The following CELF4 variants were observed in gnomAD, a reference collection of about 807,000 sequenced individuals.
CELF4 encodes CUG-BP- and ETR-3-like factor 4.
In CELF4, 18 loss-of-function variants were observed where a neutral mutation model predicts 59.9. The observed-to-expected ratio is 0.30, with a 90% CI of 0.21 to 0.45. The LOEUF is 0.45. Among genes scored for constraint, CELF4 ranks in the 20% least tolerant of loss-of-function variants. The pLI, the probability that CELF4 is intolerant of heterozygous loss-of-function variation, is 1.00. For synonymous variants in CELF4, 261 were observed against 267.1 expected (o/e 0.98, Z 0.22); for missense variants, 456 against 689.0 (o/e 0.66, Z 3.79).
intron 1 of CELF4, among the ~76,000 whole-genome samples, chr18:37,520,125 T>A (rs1224973683): frequency 6.6e-6 from 1 of 152,140 alleles, no homozygotes; most frequent in Non-Finnish European, 1.5e-5. Context: ...CAGGGCTGCA[T>A]TCTCTCACCC....
chr18:37,426,737 G>A (rs898020490), intron 2 of CELF4, among the ~76,000 whole-genome samples: 3 of 152,132 alleles, frequency 2.0e-5, no homozygotes, highest in South Asian at 2.1e-4. Context: ...ATTAGAACAC[G>A]TGGAAAACAA....
intron 3 of CELF4, among the ~76,000 whole-genome samples, chr18:37,300,526 C>T (rs2095952814): frequency 6.6e-6 from 1 of 152,166 alleles, no homozygotes; most frequent in Admixed American, 6.5e-5. Context: ...CTCCTGGCCT[C>T]CAGCACTTTC....
At chr18:37,247,029 T>C (rs556789430) in intron 12 of CELF4, 1 of 152,312 alleles carries the variant, frequency 6.6e-6, no homozygotes, top group African/African-American at 2.4e-5. Context: ...CGTGTGATCA[T>C]GACTGGCCAA....
chr18:37,280,577 C>T (rs558553873), intron 3 of CELF4, among the ~76,000 whole-genome samples: 89 of 152,322 alleles, frequency 5.8e-4, no homozygotes, highest in Non-Finnish European at 1.0e-3. Flanking sequence ...GGAGGAGAAA[C>T]TAGCTACACC....
chr18:37,408,455 G>C (rs983457250), intron 2 of CELF4, among the ~76,000 whole-genome samples: 1 of 127,214 alleles, frequency 7.9e-6, no homozygotes, highest in Non-Finnish European at 1.7e-5. Flanking sequence ...GAAAAATCAA[G>C]AAGGTTTTTT....
At chr18:37,425,058 A>G (rs1217308703) in intron 2 of CELF4, among the ~76,000 whole-genome samples, 1 of 152,096 alleles carries the variant, frequency 6.6e-6, no homozygotes, top group Non-Finnish European at 1.5e-5. Flanking sequence ...CACATCCTAT[A>G]TTGCTGTGGG....
At chr18:37,432,903 T>C (rs2099674841) in intron 2 of CELF4, among the ~76,000 whole-genome samples, 1 of 152,224 alleles carries the variant, frequency 6.6e-6, no homozygotes, top group African/African-American at 2.4e-5. Flanking sequence ...TTCTATTTCA[T>C]GCTCTTTTGA....
chr18:37,360,715 T>C (rs2098690570), intron 2 of CELF4, among the ~76,000 whole-genome samples: 2 of 152,132 alleles, frequency 1.3e-5, no homozygotes, highest in South Asian at 4.1e-4. Context: ...GCTGGCTTGA[T>C]ATTTGGGTTC....
chr18:37,444,329 T>C (rs1024191465), intron 2 of CELF4, among the ~76,000 whole-genome samples: 4 of 151,954 alleles, frequency 2.6e-5, no homozygotes, highest in African/African-American at 7.3e-5. Context: ...GAGCCCGAGA[T>C]AGGTCTGGAG....
At chr18:37,366,180 C>T (rs985718545) in intron 2 of CELF4, among the ~76,000 whole-genome samples, 7 of 152,134 alleles carry the variant, frequency 4.6e-5, no homozygotes, top group African/African-American at 7.2e-5. Flanking sequence ...TCTCTGCTTC[C>T]CCAAACCAGA....
chr18:37,389,808 C>T (rs986583116), intron 2 of CELF4, among the ~76,000 whole-genome samples: 3 of 152,204 alleles, frequency 2.0e-5, no homozygotes, highest in Non-Finnish European at 2.9e-5. Flanking sequence ...CCCACCCACA[C>T]TGAATCTGGC....
intron 1 of CELF4, among the ~76,000 whole-genome samples, chr18:37,542,484 C>T (rs563720519): frequency 7.2e-5 from 11 of 152,292 alleles, no homozygotes; most frequent in South Asian, 4.1e-4. Context: ...CCCAAGCGTA[C>T]GACTCATGGG....
chr18:37,274,494 G>A (rs1366089777), intron 5 of CELF4, 40 bp from the exon 6 acceptor site: 3 of 1,609,212 alleles, frequency 1.9e-6, no homozygotes, highest in Non-Finnish European at 1.7e-6. Flanking sequence ...CTGCTCCAGA[G>A]CCTCCGCCCG....
At chr18:37,496,460 G>T (rs756655841) in intron 1 of CELF4, among the ~76,000 whole-genome samples, 2 of 152,120 alleles carry the variant, frequency 1.3e-5, no homozygotes, top group Non-Finnish European at 2.9e-5. Context: ...AAATAATCTC[G>T]CCTCTGTCCT....
At chr18:37,540,414 G>A (rs4799454) in intron 1 of CELF4, among the ~76,000 whole-genome samples, 55,668 of 144,184 alleles carry the variant, frequency 0.39, 12,050 homozygotes, top group East Asian at 0.55. Flanking sequence ...TCTGCCTCAG[G>A]CATTTGGTCA....
chr18:37,524,776 C>T (rs1160520426), intron 1 of CELF4, among the ~76,000 whole-genome samples: 1 of 152,192 alleles, frequency 6.6e-6, no homozygotes, highest in Non-Finnish European at 1.5e-5. Context: ...GAGCCGCAGG[C>T]CGCTGGGGTG....
intron 1 of CELF4, among the ~76,000 whole-genome samples, chr18:37,563,513 C>T (rs1027404461): frequency 6.6e-6 from 1 of 151,900 alleles, no homozygotes; most frequent in African/African-American, 2.4e-5. Flanking sequence ...CCTTGATTAG[C>T]TTCTAGGAAG....
At chr18:37,533,876 C>T (rs2099971399) in intron 1 of CELF4, among the ~76,000 whole-genome samples, 1 of 152,182 alleles carries the variant, frequency 6.6e-6, no homozygotes, top group Non-Finnish European at 1.5e-5. Context: ...TTGTCATCTC[C>T]ACGTCAGGGG....
chr18:37,422,637 T>G (rs1224137893), intron 2 of CELF4, among the ~76,000 whole-genome samples: 2 of 151,652 alleles, frequency 1.3e-5, no homozygotes, highest in Non-Finnish European at 1.5e-5. Context: ...CAGGCCAGAG[T>G]GTGCGCACAT....
Sources: allele counts gnomAD v4.1 joint callset (sites outside exome capture counted in the v4.1 genomes callset), GRCh38; gene constraint gnomAD v4.1.1; transcripts MANE v1.5; gene names NCBI Gene and HGNC (gene_info 2026-07-23, HGNC 2026-07-21).